Variants in HAPLN1 observed in about 807,000 individuals in gnomAD.
HAPLN1 encodes Cartilage link protein.
A neutral mutation model predicts 36.5 loss-of-function variants in HAPLN1; 13 were observed. The observed-to-expected ratio is 0.36, with a 90% CI of 0.23 to 0.57. The LOEUF is 0.57. Ranked by LOEUF, HAPLN1 falls within the 20% of genes least tolerant of loss-of-function variation. HAPLN1 has a pLI of 0.83. For missense variants in HAPLN1, 407 were observed against 439.7 expected (o/e 0.93, Z 0.66); for synonymous variants, 202 against 169.8 (o/e 1.19, Z -1.48).
chr5:83,683,438 CTT>C (rs1220501284), intron 1 of HAPLN1, among the ~76,000 whole-genome samples: 1 of 152,160 alleles, frequency 6.6e-6, no homozygotes, highest in Non-Finnish European at 1.5e-5. Context: ...AAGCTTCTCT[CTT>C]CCATAATTTT....
Position 83,697,493 on chromosome 5 carries a change from G to A in HAPLN1, c.-27+23296C>T, listed in dbSNP as rs150743882. 1.8e-4 allele frequency among the ~76,000 whole-genome samples: 27 copies of A among 152,250 alleles called. No homozygotes were observed. The East Asian group carries it at 4.8e-3, about 27-fold the overall frequency. On this transcript the variant is annotated intron_variant, in intron 1 of 4. Coordinates refer to ENST00000274341, the MANE Select transcript of HAPLN1 (RefSeq NM_001884.4). Reference sequence around the variant, plus strand: ...CTTTTGGGCTTTAATGAATAATGCTGCTATTAACACCCATGCACAAGTTTT... The same window carrying A: ...CTTTTGGGCTTTAATGAATAATGCTACTATTAACACCCATGCACAAGTTTT...
In HAPLN1 at chr5:83,673,407, A is replaced by C; in HGVS notation, c.100+17T>G. ...AAAATTAATTAGGCTTTGATAAGAG[A>C]AGCTGTGTTTCCTTACCTTGGATGT... On this transcript the variant is annotated intron_variant, in intron 2 of 4. Transcript: ENST00000274341. 6.6e-7 allele frequency: 1 copy of C among 1,508,826 alleles called. No individual in the cohort carries two copies. 93.5% of individuals were successfully genotyped at this position (1,508,826 alleles called of 1,614,324 possible).
At chr5:83,699,939 T>C (rs1452657521) in intron 1 of HAPLN1, among the ~76,000 whole-genome samples, 1 of 152,156 alleles carries the variant, frequency 6.6e-6, no homozygotes, top group African/African-American at 2.4e-5. Flanking sequence ...TTCACACCTG[T>C]AATCTCAGCA....
rs75595580 is a variant in HAPLN1, at chr5:83,676,845, G to T, written c.-26-3296C>A. On this transcript the variant is annotated intron_variant, in intron 1 of 4. Transcript: ENST00000274341. Reference sequence around the variant, plus strand: ...CACAGCCTTACAAATCTTAATGCTCGATCAGCCAGCTTCAAGATGAATCCA... The same window carrying T: ...CACAGCCTTACAAATCTTAATGCTCTATCAGCCAGCTTCAAGATGAATCCA... 2.6e-5 allele frequency among the ~76,000 whole-genome samples: 4 copies of T among 152,232 alleles called. No individual in the cohort carries two copies. In the South Asian group the frequency reaches 8.3e-4, roughly 32 times the overall value.
At chr5:83,696,173 C>T (rs1184076097) in intron 1 of HAPLN1, among the ~76,000 whole-genome samples, 1 of 151,894 alleles carries the variant, frequency 6.6e-6, no homozygotes, top group Non-Finnish European at 1.5e-5. Flanking sequence ...TATACCAAAG[C>T]ATAAAAATAT....
At chr5:83,695,204 C>A (rs931407213) in intron 1 of HAPLN1, among the ~76,000 whole-genome samples, 2 of 152,148 alleles carry the variant, frequency 1.3e-5, no homozygotes, top group Admixed American at 6.5e-5. Context: ...CGGCTCACTG[C>A]AACTTCTGCC....
intron 1 of HAPLN1, among the ~76,000 whole-genome samples, chr5:83,692,826 A>G (rs1045129873): frequency 2.0e-5 from 3 of 151,896 alleles, no homozygotes; most frequent in African/African-American, 7.2e-5. Flanking sequence ...ATGCATGACA[A>G]CTGCATAACA....
intron 1 of HAPLN1, among the ~76,000 whole-genome samples, chr5:83,697,408 A>G (rs1751413656): frequency 1.3e-5 from 2 of 152,138 alleles, no homozygotes; most frequent in Admixed American, 6.5e-5. Context: ...CATTCCACCT[A>G]TATAGATACC....
At chr5:83,712,113 A>ATGAG (rs1751798255) in intron 1 of HAPLN1, among the ~76,000 whole-genome samples, 1 of 152,214 alleles carries the variant, frequency 6.6e-6, no homozygotes, top group African/African-American at 2.4e-5. Context: ...TCATGTAAGG[A>ATGAG]TGAGGAATCA....
At chr5:83,642,383 G>A (rs1749726892) in intron 4 of HAPLN1, among the ~76,000 whole-genome samples, 1 of 152,174 alleles carries the variant, frequency 6.6e-6, no homozygotes, top group Non-Finnish European at 1.5e-5. Flanking sequence ...GTCTGTGTTG[G>A]TTCACTAGCA....
intron 1 of HAPLN1, among the ~76,000 whole-genome samples, chr5:83,707,952 T>C (rs746803562): frequency 6.6e-6 from 1 of 152,194 alleles, no homozygotes; most frequent in African/African-American, 2.4e-5. Flanking sequence ...CCAACAAGCA[T>C]ATGTTATAAA....
chr5:83,703,129 T>G (rs965822873), intron 1 of HAPLN1, among the ~76,000 whole-genome samples: 2 of 152,190 alleles, frequency 1.3e-5, no homozygotes, highest in Non-Finnish European at 2.9e-5. Flanking sequence ...ACAGACATTA[T>G]TGCTAAAATA....
intron 1 of HAPLN1, among the ~76,000 whole-genome samples, chr5:83,710,779 C>A (rs1413700379): frequency 6.6e-6 from 1 of 151,918 alleles, no homozygotes; most frequent in Non-Finnish European, 1.5e-5. Context: ...GGCAAAACCC[C>A]GTCTCTACTA....
chr5:83,714,230 G>A (rs1751863293), intron 1 of HAPLN1, among the ~76,000 whole-genome samples: 1 of 152,086 alleles, frequency 6.6e-6, no homozygotes, highest in Non-Finnish European at 1.5e-5. Context: ...GACACGAAAG[G>A]AAATCACCTC....
At chr5:83,663,364 T>A (rs946211429) in intron 2 of HAPLN1, among the ~76,000 whole-genome samples, 1 of 152,206 alleles carries the variant, frequency 6.6e-6, no homozygotes, top group Non-Finnish European at 1.5e-5. Flanking sequence ...AGGTTCAGAC[T>A]CTGGGAAGTG....
intron 1 of HAPLN1, among the ~76,000 whole-genome samples, chr5:83,711,469 C>T (rs1370004069): frequency 6.6e-6 from 1 of 152,000 alleles, no homozygotes; most frequent in South Asian, 2.1e-4. Flanking sequence ...CCTTTGCAAA[C>T]AACAGAACAA....
In HAPLN1 at chr5:83,693,947, C is replaced by T. The variant is rs77393148; in HGVS notation, c.-26-20398G>A. ...AGACTTGAATACTGTAAACCAACCT[C>T]ACCTAATTAATATTTATAAAATGTT... On this transcript the variant is annotated intron_variant, in intron 1 of 4. Coordinates refer to ENST00000274341, the MANE Select transcript of HAPLN1 (RefSeq NM_001884.4). Among the ~76,000 whole-genome samples the T allele has an allele frequency of 2.0e-3, 304 of 151,998 alleles. 4 individuals carry two copies. The highest frequency in any genetic ancestry group is 7.1e-3 in the African/African-American group (295 of 41,546).
chr5:83,669,741 TAAC>T (rs1437082410), intron 2 of HAPLN1, among the ~76,000 whole-genome samples: 1 of 152,162 alleles, frequency 6.6e-6, no homozygotes, highest in Non-Finnish European at 1.5e-5. Context: ...AACATAATGA[TAAC>T]AACCACCTGG....
At chr5:83,679,168 C>T (rs1348532372) in intron 1 of HAPLN1, among the ~76,000 whole-genome samples, 1 of 152,194 alleles carries the variant, frequency 6.6e-6, no homozygotes, top group Admixed American at 6.5e-5. Flanking sequence ...TAGCCACTTA[C>T]ATACAAACTG....
Sources: allele counts gnomAD v4.1 joint callset (sites outside exome capture counted in the v4.1 genomes callset), GRCh38; gene constraint gnomAD v4.1.1; transcripts MANE v1.5; gene names NCBI Gene and HGNC (gene_info 2026-07-23, HGNC 2026-07-21).